SLFN12L: variants seen among roughly 807,000 people sequenced by gnomAD.
The protein encoded by SLFN12L is schlafen family member 12-like.
A neutral mutation model predicts 34.8 loss-of-function variants in SLFN12L; 34 were observed. That is an observed-to-expected ratio of 0.98 (90% CI 0.74 to 1.30). The LOEUF is 1.30. SLFN12L is among the 50% of genes most tolerant of loss of function. SLFN12L has a pLI of 0.00. For synonymous variants in SLFN12L, 259 were observed against 247.5 expected, an observed-to-expected ratio of 1.05 and a Z score of -0.44; for missense variants, 703 against 696.2, an observed-to-expected ratio of 1.01 and a Z score of -0.11.
intron 2 of SLFN12L, chr17:35,509,932 C>T (rs1915584897): frequency 6.6e-6 from 1 of 152,230 alleles, no homozygotes; most frequent in African/African-American, 2.4e-5. Flanking sequence ...CTCCTGACCT[C>T]ATGATCCTCC....
At chr17:35,504,998 C>A (rs1027740290) in intron 2 of SLFN12L, among the ~76,000 whole-genome samples, 2 of 152,138 alleles carry the variant, frequency 1.3e-5, no homozygotes, top group Admixed American at 1.3e-4. Flanking sequence ...TATCATAAAG[C>A]AAGAGAAGCC....
chr17:35,492,855 C>G (rs1362408737), intron 2 of SLFN12L, among the ~76,000 whole-genome samples: 1 of 151,838 alleles, frequency 6.6e-6, no homozygotes, highest in Non-Finnish European at 1.5e-5. Flanking sequence ...GAACAAACCT[C>G]AAAACAAACA....
rs1567639945 is a variant in SLFN12L at position 35,474,948 on chromosome 17, CAACAAACAAACAAACAAAAACGAAACA to C, written c.1787_1813del (p.Leu596_Cys604del). The C allele has an allele frequency of 6.5e-7, 1 of 1,548,568 alleles. No individual in the cohort carries two copies. The highest frequency in any genetic ancestry group is 8.7e-7 in the Non-Finnish European group (1 of 1,146,158). ...TCATCTCAAGAAAAAACAAACAAAC[CAACAAACAAACAAACAAAAACGAAACA>C]AACAAACAAACAAAAAGATTTGATT... On this transcript the variant is annotated inframe_deletion, in exon 5 of 5. Transcript: ENST00000628453.
intron 1 of SLFN12L, among the ~76,000 whole-genome samples, chr17:35,531,913 G>A (rs907521752): frequency 6.6e-6 from 1 of 151,812 alleles, no homozygotes; most frequent in African/African-American, 2.4e-5. Context: ...GGGATTATAG[G>A]TGTGAGCCAC....
At chr17:35,498,901 C>A in intron 2 of SLFN12L, 1 of 706,946 alleles carries the variant, frequency 1.4e-6, no homozygotes, top group Non-Finnish European at 2.6e-6. Flanking sequence ...CCTGATATGC[C>A]CAGCCCTATT....
At chr17:35,495,890 G>A (rs1218223309) in intron 2 of SLFN12L, among the ~76,000 whole-genome samples, 1 of 143,638 alleles carries the variant, frequency 7.0e-6, no homozygotes, top group Non-Finnish European at 1.5e-5. Context: ...GCTGGAGAAA[G>A]CCGATTTGAA....
chr17:35,531,948 C>CT (rs1246133914), intron 1 of SLFN12L, among the ~76,000 whole-genome samples: 1 of 151,956 alleles, frequency 6.6e-6, no homozygotes, highest in African/African-American at 2.4e-5. Flanking sequence ...CAACTCTCTT[C>CT]TACATCTAAA....
At chr17:35,529,672 C>T (rs1054279985) in intron 1 of SLFN12L, among the ~76,000 whole-genome samples, 2 of 140,678 alleles carry the variant, frequency 1.4e-5, no homozygotes, top group Non-Finnish European at 3.1e-5. Flanking sequence ...TAAAGGGGAA[C>T]ATCACACACT....
rs1284515224 is a variant in SLFN12L, at chr17:35,473,205, G to A, written c.*1718C>T. 6.6e-6 allele frequency among the ~76,000 whole-genome samples: 1 copy of A among 152,220 alleles called. No homozygotes were observed. Among genetic ancestry groups the A allele is most frequent in the Non-Finnish European group, 1.5e-5 (1 of 68,038 alleles). ...ATACTATGTTGAATAGGAGTGGTGA[G>A]AGAGGGCATTCTTGTCTTGTGCCAA... On this transcript the variant is annotated 3_prime_UTR_variant, in exon 5 of 5. Coordinates refer to ENST00000628453, the MANE Select transcript of SLFN12L (RefSeq NM_001363830.2).
chr17:35,535,259 C>T (rs1368180843), intron 1 of SLFN12L, among the ~76,000 whole-genome samples: 2 of 147,946 alleles, frequency 1.4e-5, no homozygotes, highest in East Asian at 2.0e-4. Context: ...GGCGTGATCT[C>T]GGCTCACCAC....
rs1238620653 is a variant in SLFN12L at position 35,518,556 on chromosome 17, A to AC, written c.86+3722_86+3723insG. ...ACAGAGTGAGACTGTATTTAAAAAA[A>AC]AAAAAAAAAAGACATTTATGCACCG... is the stretch of plus-strand genomic sequence containing the variant. On this transcript the variant is annotated intron_variant, in intron 2 of 4. Coordinates refer to ENST00000628453, the MANE Select transcript of SLFN12L (RefSeq NM_001363830.2). Among the ~76,000 whole-genome samples, 6 of 151,882 alleles carry AC rather than the reference A, an allele frequency of 4.0e-5. No homozygotes were observed. In the South Asian group the frequency reaches 1.3e-3, roughly 32 times the overall value.
chr17:35,520,168 G>T (rs1411717460), intron 2 of SLFN12L, among the ~76,000 whole-genome samples: 3 of 152,182 alleles, frequency 2.0e-5, no homozygotes, highest in Admixed American at 2.0e-4. Flanking sequence ...CACTGGCCTG[G>T]AGATAAGCAA....
intron 4 of SLFN12L, among the ~76,000 whole-genome samples, chr17:35,477,692 A>T (rs1473403196): frequency 6.6e-6 from 1 of 152,080 alleles, no homozygotes; most frequent in Non-Finnish European, 1.5e-5. Flanking sequence ...TACCCAAATA[A>T]ATACCGATTT....
chr17:35,520,971 T>C (rs965848805), intron 2 of SLFN12L, among the ~76,000 whole-genome samples: 1 of 152,168 alleles, frequency 6.6e-6, no homozygotes, highest in Admixed American at 6.5e-5. Context: ...CCAATCAGGA[T>C]GGCCAGCCTG....
rs1913774564 is a variant in SLFN12L, at chr17:35,469,677, A to G, written c.*5246T>C. The stretch of plus-strand genomic sequence containing the variant: ...TAGGTTCTGTACTTGTCTATTTGGC[A>G]TCCATTAATCACAGGGCCAAACTAA... On this transcript the variant is annotated 3_prime_UTR_variant, in exon 5 of 5. Transcript: ENST00000628453. Among the ~76,000 whole-genome samples, 1 of 152,038 alleles carries G rather than the reference A, an allele frequency of 6.6e-6. No individual in the cohort carries two copies.
intron 2 of SLFN12L, among the ~76,000 whole-genome samples, chr17:35,517,891 T>C (rs1915880586): frequency 6.6e-6 from 1 of 152,090 alleles, no homozygotes; most frequent in South Asian, 2.1e-4. Context: ...TATACAAAAA[T>C]TAACTCAAGA....
rs1283501423 is a variant in SLFN12L, at chr17:35,465,099, C to T, written c.*9824G>A. On this transcript the variant is annotated 3_prime_UTR_variant, in exon 5 of 5. Coordinates refer to ENST00000628453, the MANE Select transcript of SLFN12L (RefSeq NM_001363830.2). ...CACTATATGTTCGCCAGGCTGGTCT[C>T]GAACTCCTGGCCTCAAGTGATCCGC... 6.6e-6 allele frequency among the ~76,000 whole-genome samples: 1 copy of T among 152,100 alleles called. No homozygotes were observed. The highest frequency in any genetic ancestry group is 2.4e-5 in the African/African-American group (1 of 41,412).
In SLFN12L at chr17:35,471,434, G is replaced by A. The variant is rs922662699; in HGVS notation, c.*3489C>T. Among the ~76,000 whole-genome samples, 9 of 152,146 alleles carry A rather than the reference G, an allele frequency of 5.9e-5. No individual in the cohort carries two copies. Among genetic ancestry groups the A allele is most frequent in the South Asian group, 2.1e-4 (1 of 4,818 alleles). On this transcript the variant is annotated 3_prime_UTR_variant, in exon 5 of 5. Transcript: ENST00000628453. ...TTACAGGCATGAGCCACCGCGCCAC[G>A]CCTGCATGTATCTTTATAGTAGAAT...
chr17:35,527,622 T>C (rs751172638), intron 1 of SLFN12L, among the ~76,000 whole-genome samples: 9 of 152,154 alleles, frequency 5.9e-5, no homozygotes, highest in African/African-American at 1.7e-4. Context: ...TCTCAATAGA[T>C]GCAGAAAAGG....
Sources: allele counts gnomAD v4.1 joint callset (sites outside exome capture counted in the v4.1 genomes callset), GRCh38; gene constraint gnomAD v4.1.1; transcripts MANE v1.5; gene names NCBI Gene and HGNC (gene_info 2026-07-23, HGNC 2026-07-21).